The following DPH6 variants were observed in gnomAD, a reference collection of about 807,000 sequenced individuals.
The protein encoded by DPH6 is diphthamine biosynthesis 6.
Under a neutral mutation model 38.2 loss-of-function variants are expected in DPH6, and 33 were observed. The observed-to-expected ratio is 0.86, with a 90% CI of 0.65 to 1.15. The LOEUF is 1.15. Ranked by LOEUF, DPH6 falls within the 50% of genes most tolerant of loss-of-function variation. The pLI is 0.00. For missense variants in DPH6, 325 were observed against 320.0 expected (o/e 1.02, Z -0.12); for synonymous variants, 108 against 103.0 (o/e 1.05, Z -0.30).
chr15:35,220,913 A>G (rs2051438325), intron 3 of DPH6, among the ~76,000 whole-genome samples: 1 of 152,130 alleles, frequency 6.6e-6, no homozygotes, highest in Non-Finnish European at 1.5e-5. Context: ...TCCAGCATCA[A>G]CTCAAAAGTC....
chr15:35,160,810 T>A, the DPH6 span, among the ~76,000 whole-genome samples: 29 of 152,062 alleles, frequency 1.9e-4, no homozygotes, highest in South Asian at 8.3e-4. Context: ...AAGCTCTGTC[T>A]CTCCCTCTCT....
At chr15:35,153,940 A>G in the DPH6 span, among the ~76,000 whole-genome samples, 108 of 152,284 alleles carry the variant, frequency 7.1e-4, no homozygotes, top group African/African-American at 2.5e-3. Flanking sequence ...TAGTAGAAAA[A>G]TTGGGGAAGG....
chr15:35,339,588 T>C lies in DPH6; in HGVS notation n.208-8511A>G, dbSNP rs572332061. ...CATCTGCCTGCCTTGACCTCCCAAATTGCTAGGATTACAGGTGTGAGTCAC... is the reference window on the plus strand; with the variant it reads ...CATCTGCCTGCCTTGACCTCCCAAACTGCTAGGATTACAGGTGTGAGTCAC... On this transcript the variant is annotated intron_variant and non_coding_transcript_variant, in intron 3 of 3. Coordinates refer to the DPH6 transcript ENST00000558973. Among the ~76,000 whole-genome samples the C allele has an allele frequency of 3.9e-5, 6 of 152,174 alleles. No individual in the cohort carries two copies. The East Asian group carries it at 1.2e-3, about 29-fold the overall frequency.
the DPH6 span, among the ~76,000 whole-genome samples, chr15:35,155,097 A>G: frequency 6.6e-6 from 1 of 152,176 alleles, no homozygotes; most frequent in Non-Finnish European, 1.5e-5. Context: ...TGGCCTGTCT[A>G]TGACCTTCAG....
intron 5 of DPH6, among the ~76,000 whole-genome samples, chr15:35,445,540 A>G (rs1338941396): frequency 6.6e-6 from 1 of 152,182 alleles, no homozygotes; most frequent in Non-Finnish European, 1.5e-5. Context: ...AAAAAACTCA[A>G]CATATGAACC....
intron 3 of DPH6, among the ~76,000 whole-genome samples, chr15:35,254,003 A>G (rs2051691544): frequency 6.6e-6 from 1 of 152,180 alleles, no homozygotes; most frequent in African/African-American, 2.4e-5. Context: ...AAAGGCTATC[A>G]TTTGTTGATT....
chr15:35,496,139 T>G (rs1046433314), intron 3 of DPH6, among the ~76,000 whole-genome samples: 2 of 152,186 alleles, frequency 1.3e-5, no homozygotes, highest in Admixed American at 6.5e-5. Context: ...AAAGATTCCT[T>G]AAACACAGTA....
chr15:35,353,477 C>T (rs1455663569), intron 3 of DPH6, among the ~76,000 whole-genome samples: 3 of 152,252 alleles, frequency 2.0e-5, no homozygotes, highest in Non-Finnish European at 4.4e-5. Flanking sequence ...GGAAGGGATC[C>T]AGTTTCAGCT....
At chr15:35,488,378 A>C (rs1196240279) in intron 3 of DPH6, among the ~76,000 whole-genome samples, 1 of 152,210 alleles carries the variant, frequency 6.6e-6, no homozygotes, top group African/African-American at 2.4e-5. Flanking sequence ...AAGACATGGT[A>C]ATTTATGAAG....
chr15:35,288,576 G>A (rs1041897798), intron 3 of DPH6, among the ~76,000 whole-genome samples: 3 of 151,996 alleles, frequency 2.0e-5, no homozygotes, highest in Admixed American at 6.6e-5. Context: ...TGAAGCATTT[G>A]CAACTGATGC....
intron 3 of DPH6, among the ~76,000 whole-genome samples, chr15:35,455,907 T>C (rs2053990205): frequency 6.6e-6 from 1 of 152,136 alleles, no homozygotes; most frequent in Non-Finnish European, 1.5e-5. Context: ...CAAACAAAAG[T>C]TAATATTTCA....
intron 3 of DPH6, among the ~76,000 whole-genome samples, chr15:35,311,451 T>A (rs1028882338): frequency 1.3e-5 from 2 of 152,200 alleles, no homozygotes; most frequent in Non-Finnish European, 1.5e-5. Flanking sequence ...TACAAAAAAA[T>A]TTCTGTCTTC....
chr15:35,375,796 T>C (rs2052771356), intron 7 of DPH6, among the ~76,000 whole-genome samples: 1 of 152,002 alleles, frequency 6.6e-6, no homozygotes, highest in Admixed American at 6.6e-5. Context: ...TCCTGAGGTG[T>C]TGGGGTCAGG....
chr15:35,156,510 G>T, the DPH6 span, among the ~76,000 whole-genome samples: 1 of 152,052 alleles, frequency 6.6e-6, no homozygotes, highest in African/African-American at 2.4e-5. Flanking sequence ...TCTGTGTGTG[G>T]GAGTGGCGGG....
the DPH6 span, among the ~76,000 whole-genome samples, chr15:35,182,619 T>G: frequency 6.6e-6 from 1 of 152,166 alleles, no homozygotes. Context: ...TTTAGAAAGT[T>G]GAAGTGAGGA....
chr15:35,508,219 A>G (rs1191433300), intron 3 of DPH6, among the ~76,000 whole-genome samples: 2 of 152,200 alleles, frequency 1.3e-5, no homozygotes, highest in East Asian at 1.9e-4. Flanking sequence ...ACTTTGCCCA[A>G]CAAATAGCAA....
intron 6 of DPH6, among the ~76,000 whole-genome samples, chr15:35,388,757 A>C (rs1186229328): frequency 1.3e-5 from 2 of 152,006 alleles, no homozygotes; most frequent in Non-Finnish European, 2.9e-5. Flanking sequence ...TCTTGCTAGC[A>C]GTCTATCAAT....
chr15:35,532,892 T>C (rs1247402143), intron 3 of DPH6, among the ~76,000 whole-genome samples: 1 of 151,894 alleles, frequency 6.6e-6, no homozygotes, highest in Non-Finnish European at 1.5e-5. Context: ...TCACCTGAAG[T>C]CAGGAGTTTG....
chr15:35,393,607 T>C (rs997464336), intron 6 of DPH6, among the ~76,000 whole-genome samples: 6 of 152,178 alleles, frequency 3.9e-5, no homozygotes, highest in African/African-American at 2.4e-5. Flanking sequence ...GTAACATTCC[T>C]TTCCTCTGGG....
Sources: allele counts gnomAD v4.1 joint callset (sites outside exome capture counted in the v4.1 genomes callset), GRCh38; gene constraint gnomAD v4.1.1; transcripts MANE v1.5; gene names NCBI Gene and HGNC (gene_info 2026-07-23, HGNC 2026-07-21).